The following AVL9 variants were observed in gnomAD, a reference collection of about 807,000 sequenced individuals.
AVL9 encodes late secretory pathway protein AVL9 homolog.
AVL9 carries 49 observed loss-of-function variants against 79.2 expected under a neutral mutation model. The observed-to-expected ratio is 0.62, with a 90% CI of 0.49 to 0.79. AVL9 has a LOEUF of 0.79. AVL9 is among the 30% of genes least tolerant of loss of function. The pLI is 0.00. For missense variants in AVL9, 682 were observed against 776.8 expected (o/e 0.88, Z 1.45); for synonymous variants, 299 against 280.6 (o/e 1.07, Z -0.65).
At chr7:32,566,013 A>G (rs1354476728) in intron 10 of AVL9, among the ~76,000 whole-genome samples, 7 of 147,902 alleles carry the variant, frequency 4.7e-5, no homozygotes, top group African/African-American at 1.2e-4. Context: ...GGCATGTGCC[A>G]GTAGTCCCAG....
rs73687020 is a variant in AVL9, at chr7:32,540,041, G to C, written c.94-3100G>C. Among the ~76,000 whole-genome samples, 533 of 152,282 alleles carry C rather than the reference G, an allele frequency of 3.5e-3. 1 individual carries two copies. Among genetic ancestry groups the C allele is most frequent in the Middle Eastern group, 0.017 (5 of 294 alleles). ...TTTGCCAAGTAAGGTAACAAATAGA[G>C]TCCGGGGATTAGGATATCTTTGGAA... On this transcript the variant is annotated intron_variant, in intron 1 of 15. Transcript: ENST00000318709.
At position 32,583,674 on chromosome 7, in the gene AVL9, G is replaced by A. The variant is rs1791626256; in HGVS notation, c.1832-118G>A. The A allele has an allele frequency of 2.5e-5, 16 of 652,254 alleles. No homozygotes were observed. The South Asian group carries it at 2.6e-4, about 10-fold the overall frequency. The allele number at this position is 652,254 out of a possible 1,614,324, so 40.4% of individuals were successfully genotyped here. On this transcript the variant is annotated intron_variant, in intron 15 of 15. Coordinates refer to ENST00000318709, the MANE Select transcript of AVL9 (RefSeq NM_015060.3). ...AGCCTGGGCGACAGAGTAAGACGCT[G>A]TCTCAAAAAACATTTTTTTAAATTT...
At chr7:32,555,210 G>T (rs1562785390) in intron 8 of AVL9, among the ~76,000 whole-genome samples, 1 of 152,124 alleles carries the variant, frequency 6.6e-6, no homozygotes, top group Non-Finnish European at 1.5e-5. Context: ...GGGTGTGGTG[G>T]CATGTGCCTG....
At chr7:32,553,357 C>G (rs1457880276) in intron 6 of AVL9, among the ~76,000 whole-genome samples, 1 of 152,114 alleles carries the variant, frequency 6.6e-6, no homozygotes, top group African/African-American at 2.4e-5. Flanking sequence ...ATGTGTTAAA[C>G]CTGCACTGTC....
In AVL9 at chr7:32,573,242, A is replaced by T; in HGVS notation, c.1394A>T (p.Lys465Met). The T allele has an allele frequency of 6.2e-7, 1 of 1,614,036 alleles. No homozygotes were observed. The highest frequency in any genetic ancestry group is 1.7e-5 in the Admixed American group (1 of 59,978). ...CAGATCCATGATCCAGAACTCAGGAAGCTGCTTAACCCAACCACTGCAGAC... is the reference window on the plus strand; with the variant it reads ...CAGATCCATGATCCAGAACTCAGGATGCTGCTTAACCCAACCACTGCAGAC... ...LIQIHDPELRKLLNPTTADLR... is the reference protein window; with the variant it reads ...LIQIHDPELRMLLNPTTADLR... The change falls in exon 12 of 16, where the codon AAG becomes ATG. Residue 465 changes from lysine (K) to methionine (M), a missense_variant. Transcript: ENST00000318709.
chr7:32,532,690 T>C (rs1180554229), intron 1 of AVL9: 1 of 152,238 alleles, frequency 6.6e-6, no homozygotes, highest in Non-Finnish European at 1.5e-5. Context: ...CTTTATTCAC[T>C]TGAATGTATA....
At chr7:32,565,043 T>G (rs1051845046) in intron 10 of AVL9, among the ~76,000 whole-genome samples, 2 of 152,198 alleles carry the variant, frequency 1.3e-5, no homozygotes, top group African/African-American at 4.8e-5. Context: ...TTCCCTGATT[T>G]TAAGTCTTCC....
At chr7:32,543,359 C>G (rs1789305559) in intron 2 of AVL9, 98 bp downstream of exon 2, 1 of 1,375,548 alleles carries the variant, frequency 7.3e-7, no homozygotes, top group East Asian at 2.3e-5. Context: ...GGCCTTCAGC[C>G]TGTTAGAACT....
At chr7:32,516,691 C>A (rs964049111) in intron 1 of AVL9, among the ~76,000 whole-genome samples, 2 of 150,542 alleles carry the variant, frequency 1.3e-5, no homozygotes, top group Non-Finnish European at 2.9e-5. Context: ...ACAAAAATGA[C>A]TCAGTGGATA....
intron 1 of AVL9, chr7:32,538,148 G>T (rs1477288742): frequency 6.6e-6 from 1 of 152,176 alleles, no homozygotes. Flanking sequence ...CGAATTCGGA[G>T]AATATGTTAA....
At chr7:32,549,962 A>G (rs1350336323) in intron 4 of AVL9, among the ~76,000 whole-genome samples, 2 of 152,150 alleles carry the variant, frequency 1.3e-5, no homozygotes, top group East Asian at 3.9e-4. Context: ...AGGAATGGCT[A>G]TTATAAAAGA....
chr7:32,543,285 G>C (rs1460853090), intron 2 of AVL9, 24 bp downstream of exon 2: 10 of 1,603,230 alleles, frequency 6.2e-6, no homozygotes, highest in Non-Finnish European at 8.5e-6. Flanking sequence ...CAGTGAAGCA[G>C]TTAGGTGCCA....
At position 32,587,537 on chromosome 7, in the gene AVL9, G is replaced by T. The variant is rs1791851116; in HGVS notation, c.*3630G>T. The T allele has an allele frequency of 6.6e-6, 1 of 152,288 alleles. No homozygotes were observed. Among genetic ancestry groups the T allele is most frequent in the Admixed American group, 6.5e-5 (1 of 15,288 alleles). 9.4% of individuals were successfully genotyped at this position (152,288 alleles called of 1,614,324 possible). A position where few individuals can be genotyped will look rare whatever the true frequency, so the allele number is the denominator to read the frequency against. ...GAACTAACCTGCGTCAGCAGTTGCA[G>T]AAAGTAGCCTGTTAGGACAGCAGCT... On this transcript the variant is annotated 3_prime_UTR_variant, in exon 16 of 16. Coordinates refer to ENST00000318709, the MANE Select transcript of AVL9 (RefSeq NM_015060.3).
chr7:32,552,028 C>T (rs547221453), intron 5 of AVL9, among the ~76,000 whole-genome samples: 4 of 152,246 alleles, frequency 2.6e-5, no homozygotes, highest in South Asian at 2.1e-4. Context: ...CAACTGCCCA[C>T]GTCTCTTCTG....
At chr7:32,528,032 C>G (rs144664371) in intron 1 of AVL9, among the ~76,000 whole-genome samples, 6 of 152,276 alleles carry the variant, frequency 3.9e-5, no homozygotes, top group African/African-American at 1.4e-4. Flanking sequence ...AAGCCTGATA[C>G]TTGGAGGCTT....
rs1470187355 is a variant in AVL9 at position 32,583,999 on chromosome 7, G to A, written c.*92G>A. ...GGCTGTTACTAGCCACAGATCCACA[G>A]CAGGGGACCATATGTCGAACTGTTT... is the stretch of plus-strand genomic sequence containing the variant. On this transcript the variant is annotated 3_prime_UTR_variant, in exon 16 of 16. Coordinates refer to ENST00000318709, the MANE Select transcript of AVL9 (RefSeq NM_015060.3). 2.3e-6 allele frequency: 2 copies of A among 870,164 alleles called. No homozygotes were observed. The highest frequency in any genetic ancestry group is 3.9e-6 in the Non-Finnish European group (2 of 513,896). 53.9% of individuals were successfully genotyped at this position (870,164 alleles called of 1,614,324 possible). A position where few individuals can be genotyped will look rare whatever the true frequency, so the allele number is the denominator to read the frequency against.
At position 32,551,624 on chromosome 7, in the gene AVL9, T is replaced by TTTTTTTTTTA. The variant is rs1554341813; in HGVS notation, c.462+201_462+202insTTTTTTTTTA. ...ACCAAACTTTTTTTTTTTTTTTTTT[T>TTTTTTTTTTA]AGGAAATAATGACTACAAATAACTA... On this transcript the variant is annotated intron_variant, in intron 5 of 15. Coordinates refer to ENST00000318709, the MANE Select transcript of AVL9 (RefSeq NM_015060.3). 4.7e-5 allele frequency among the ~76,000 whole-genome samples: 7 copies of TTTTTTTTTTA among 149,318 alleles called. No homozygotes were observed. The East Asian group carries it at 7.8e-4, about 17-fold the overall frequency.
intron 10 of AVL9, among the ~76,000 whole-genome samples, chr7:32,567,866 C>T (rs781034089): frequency 4.0e-5 from 6 of 151,716 alleles, no homozygotes; most frequent in Non-Finnish European, 7.4e-5. Flanking sequence ...TACAGGCACT[C>T]GCCACCACAG....
chr7:32,558,447 C>A, intron 8 of AVL9, 112 bp from the exon 9 acceptor site: 1 of 758,250 alleles, frequency 1.3e-6, no homozygotes, highest in Non-Finnish European at 2.1e-6. Context: ...TGAGCCACTG[C>A]GCCCGGCCAG....
Sources: allele counts gnomAD v4.1 joint callset (sites outside exome capture counted in the v4.1 genomes callset), GRCh38; gene constraint gnomAD v4.1.1; transcripts MANE v1.5; gene names NCBI Gene and HGNC (gene_info 2026-07-23, HGNC 2026-07-21).